AKAP13: variants seen among roughly 807,000 people sequenced by gnomAD.
AKAP13 encodes A-kinase anchor protein 13.
Under a neutral mutation model 264.5 loss-of-function variants are expected in AKAP13, and 80 were observed. The ratio of observed to expected loss-of-function variants is 0.30; its 90% confidence interval spans 0.25 to 0.36. AKAP13 has a LOEUF of 0.36. AKAP13 is among the 10% of genes least tolerant of loss of function. The pLI is 1.00. For synonymous variants in AKAP13, 1,380 were observed against 1,250.2 expected, an observed-to-expected ratio of 1.10 and a Z score of -2.19; for missense variants, 3,712 against 3,435.2, an observed-to-expected ratio of 1.08 and a Z score of -2.01.
chr15:85,730,228 T>C (rs1382230765), intron 29 of AKAP13, among the ~76,000 whole-genome samples: 2 of 152,172 alleles, frequency 1.3e-5, no homozygotes, highest in Non-Finnish European at 2.9e-5. Context: ...TAGAGAGTAG[T>C]GGGCTGAGAA....
intron 8 of AKAP13, among the ~76,000 whole-genome samples, chr15:85,608,382 A>G (rs750262767): frequency 6.6e-6 from 1 of 152,234 alleles, no homozygotes; most frequent in Non-Finnish European, 1.5e-5. Flanking sequence ...AAACGAAGAC[A>G]TTATTAGTTA....
At chr15:85,542,597 A>G (rs1401479165) in intron 4 of AKAP13, among the ~76,000 whole-genome samples, 2 of 152,204 alleles carry the variant, frequency 1.3e-5, no homozygotes, top group Non-Finnish European at 2.9e-5. Context: ...ATGATAGCTA[A>G]GCTGAGGCAG....
At position 85,718,898 on chromosome 15, in the gene AKAP13, TAAAAAAA is replaced by T. The variant is rs3833025; in HGVS notation, c.6002-174_6002-168del. On this transcript the variant is annotated intron_variant, in intron 22 of 36. Coordinates refer to ENST00000394518, the MANE Select transcript of AKAP13 (RefSeq NM_007200.5). The surrounding 1 kb of genome is among the most constrained non-coding windows in gnomAD (Gnocchi z 4.9). ...TGGGTGACAGAGCCAGAACCTGTCTTAAAAAAAAAACAAAAAAACAAAAAAACGAGAA... is the reference window on the plus strand; with the variant it reads ...TGGGTGACAGAGCCAGAACCTGTCTTAAACAAAAAAACAAAAAAACGAGAA... 13 of 730,144 alleles carry T rather than the reference TAAAAAAA, an allele frequency of 1.8e-5. No individual in the cohort carries two copies. The highest frequency in any genetic ancestry group is 2.5e-5 in the Non-Finnish European group (12 of 486,752). The allele number at this position is 730,144 out of a possible 1,614,324, so 45.2% of individuals were successfully genotyped here.
At chr15:85,592,990 C>T (rs2079646872) in intron 8 of AKAP13, among the ~76,000 whole-genome samples, 1 of 152,116 alleles carries the variant, frequency 6.6e-6, no homozygotes, top group Non-Finnish European at 1.5e-5. Context: ...CTAGTTTCTT[C>T]CAGCTCTTAA....
chr15:85,601,187 T>G (rs1236524827), intron 8 of AKAP13, among the ~76,000 whole-genome samples: 1 of 152,208 alleles, frequency 6.6e-6, no homozygotes, highest in African/African-American at 2.4e-5. Context: ...AAAGAGTTAC[T>G]CATGTCAGTT....
chr15:85,527,053 C>T (rs1368488630), intron 3 of AKAP13, among the ~76,000 whole-genome samples: 2 of 151,538 alleles, frequency 1.3e-5, no homozygotes, highest in East Asian at 3.9e-4. Context: ...CTCCTGGGTT[C>T]AGGCCATTCT....
intron 1 of AKAP13, among the ~76,000 whole-genome samples, chr15:85,463,831 A>G (rs1304337695): frequency 6.7e-6 from 1 of 148,826 alleles, no homozygotes; most frequent in Admixed American, 6.7e-5. Flanking sequence ...CCCCTGGGTG[A>G]TGTTGCTGGT....
intron 16 of AKAP13, among the ~76,000 whole-genome samples, chr15:85,692,594 G>A (rs765141334): frequency 2.0e-5 from 3 of 152,108 alleles, no homozygotes; most frequent in Non-Finnish European, 4.4e-5. Flanking sequence ...CTTAACCACT[G>A]TACGGTTTTC....
At chr15:85,401,301 T>C (rs2071410515) in intron 1 of AKAP13, among the ~76,000 whole-genome samples, 1 of 10,714 alleles carries the variant, frequency 9.3e-5, no homozygotes, top group African/African-American at 4.2e-4. Context: ...TACCTGATTA[T>C]TGAACTGTTA....
At chr15:85,677,416 A>G (rs1280057160) in intron 14 of AKAP13, among the ~76,000 whole-genome samples, 4 of 152,094 alleles carry the variant, frequency 2.6e-5, no homozygotes, top group Non-Finnish European at 5.9e-5. Flanking sequence ...ATAATACTGT[A>G]TGCTAATTTC....
At chr15:85,729,567 G>A (rs959599681) in intron 29 of AKAP13, among the ~76,000 whole-genome samples, 3 of 152,140 alleles carry the variant, frequency 2.0e-5, no homozygotes, top group African/African-American at 7.2e-5. Context: ...ATGGTTTAAT[G>A]AATTATCAGC....
chr15:85,680,781 T>C (rs756862359), intron 14 of AKAP13, among the ~76,000 whole-genome samples: 2 of 151,890 alleles, frequency 1.3e-5, no homozygotes, highest in Non-Finnish European at 2.9e-5. Context: ...AGTTTGAGAG[T>C]TGAAGAGTTT....
At position 85,654,506 on chromosome 15, in the gene AKAP13, A is replaced by C. The variant is rs978114408; in HGVS notation, c.4375-911A>C. Among the ~76,000 whole-genome samples the C allele has an allele frequency of 2.0e-5, 3 of 152,192 alleles. 1 individual carries two copies. In the South Asian group the frequency reaches 6.2e-4, roughly 32 times the overall value. On this transcript the variant is annotated intron_variant, in intron 10 of 36. Transcript: ENST00000394518. ...GTTGGTGATATTTACTGAAAGAACT[A>C]ACATAAATTTGATATTTTTCCTCTT...
chr15:85,482,917 G>A (rs991865573), intron 1 of AKAP13, among the ~76,000 whole-genome samples: 1 of 152,184 alleles, frequency 6.6e-6, no homozygotes, highest in Non-Finnish European at 1.5e-5. Flanking sequence ...TCAGCAGCCT[G>A]TGTTGCCAGC....
intron 19 of AKAP13, among the ~76,000 whole-genome samples, chr15:85,712,432 C>T (rs1481020386): frequency 6.6e-6 from 1 of 152,122 alleles, no homozygotes; most frequent in Non-Finnish European, 1.5e-5. Context: ...TTTCTTGTGA[C>T]ATTATCTGTT....
intron 1 of AKAP13, among the ~76,000 whole-genome samples, 151 bp downstream of exon 1, chr15:85,380,949 G>C (rs2083386499): frequency 1.3e-5 from 2 of 152,278 alleles, no homozygotes; most frequent in Admixed American, 1.3e-4. Flanking sequence ...GGGCTGGACA[G>C]ACGGGTCGCC....
rs555223482 is a variant in AKAP13 at position 85,570,958 on chromosome 15, G to T, written c.663-4173G>T. 7.0e-3 allele frequency among the ~76,000 whole-genome samples: 1,004 copies of T among 143,782 alleles called. 11 individuals are homozygous for T. The highest frequency in any genetic ancestry group is 0.023 in the African/African-American group (894 of 39,436). 94.3% of individuals were successfully genotyped at this position (143,782 alleles called of 152,430 possible). On this transcript the variant is annotated intron_variant, in intron 5 of 36. Coordinates refer to ENST00000394518, the MANE Select transcript of AKAP13 (RefSeq NM_007200.5). ...GGTGGGGAAATGCATTGTTGTTGTT[G>T]TTTTTTTTTTTTGTAATGACAGTTG...
intron 16 of AKAP13, among the ~76,000 whole-genome samples, chr15:85,686,032 A>G (rs1220325283): frequency 1.3e-5 from 2 of 152,178 alleles, no homozygotes; most frequent in Non-Finnish European, 2.9e-5. Flanking sequence ...GTCCGTGGGG[A>G]AAAACTTTTC....
chr15:85,567,288 A>G (rs982651593), intron 5 of AKAP13, among the ~76,000 whole-genome samples: 1 of 151,232 alleles, frequency 6.6e-6, no homozygotes, highest in African/African-American at 2.4e-5. Context: ...TTGTATTTTT[A>G]GTAGAGACGG....
Sources: allele counts gnomAD v4.1 joint callset (sites outside exome capture counted in the v4.1 genomes callset), GRCh38; gene constraint gnomAD v4.1.1; non-coding constraint Gnocchi (gnomAD v3.1); transcripts MANE v1.5; gene names NCBI Gene and HGNC (gene_info 2026-07-23, HGNC 2026-07-21).